Variants in EFCAB5 observed in about 807,000 individuals in gnomAD.
EFCAB5 encodes the protein EF-hand calcium binding domain 5, also known as EF-hand calcium-binding domain-containing protein 5.
In EFCAB5, 131 loss-of-function variants were observed where a neutral mutation model predicts 167.9. The ratio of observed to expected loss-of-function variants is 0.78; its 90% CI spans 0.68 to 0.90. The LOEUF (loss-of-function observed/expected upper bound fraction) is 0.90, where lower values mean the gene tolerates loss of function less well. Ranked by LOEUF, EFCAB5 falls within the 40% of genes least tolerant of loss-of-function variation. The pLI, the probability that EFCAB5 is intolerant of heterozygous loss-of-function variation, is 0.00. For missense variants in EFCAB5, 1,663 were observed against 1,745.2 expected (o/e 0.95, Z 0.84); for synonymous variants, 574 against 602.8 (o/e 0.95, Z 0.70).
chr17:29,985,713 G>A (rs936812273), intron 4 of EFCAB5, among the ~76,000 whole-genome samples: 3 of 152,298 alleles, frequency 2.0e-5, no homozygotes, highest in Admixed American at 1.3e-4. Flanking sequence ...GCTTAGGAAC[G>A]CCTTAGGTGG....
chr17:30,060,396 A>T (rs1371856571), intron 14 of EFCAB5, among the ~76,000 whole-genome samples: 1 of 151,980 alleles, frequency 6.6e-6, no homozygotes, highest in Non-Finnish European at 1.5e-5. Flanking sequence ...TTCTCTTATG[A>T]CCAGTATTTA....
At chr17:30,079,078 A>T (rs538247981) in intron 15 of EFCAB5, among the ~76,000 whole-genome samples, 9 of 152,346 alleles carry the variant, frequency 5.9e-5, no homozygotes, top group African/African-American at 1.9e-4. Flanking sequence ...TCACAGGCAG[A>T]AACAGCACAG....
intron 1 of EFCAB5, among the ~76,000 whole-genome samples, chr17:29,933,612 C>T (rs1048281351): frequency 5.9e-5 from 9 of 152,194 alleles, no homozygotes; most frequent in African/African-American, 1.9e-4. Flanking sequence ...TTCCCACCTG[C>T]GATGCTGGAG....
intron 7 of EFCAB5, among the ~76,000 whole-genome samples, chr17:30,020,782 C>T (rs1466545102): frequency 6.6e-6 from 1 of 152,152 alleles, no homozygotes; most frequent in Non-Finnish European, 1.5e-5. Context: ...GACTCTCATC[C>T]TCCACAGCAG....
intron 22 of EFCAB5, among the ~76,000 whole-genome samples, chr17:30,096,744 A>G (rs888339514): frequency 1.5e-5 from 2 of 135,374 alleles, no homozygotes; most frequent in African/African-American, 5.7e-5. Context: ...CAGTGGCCCA[A>G]TCTCAGCTCA....
chr17:30,069,739 T>C lies in EFCAB5; in HGVS notation c.2738-8476T>C, dbSNP rs2070681612. 4 of 801,602 alleles carry C rather than the reference T, an allele frequency of 5.0e-6. No individual in the cohort carries two copies. In the East Asian group the frequency reaches 1.1e-4, roughly 21 times the overall value. The allele number at this position is 801,602 out of a possible 1,614,324, so 49.7% of individuals were successfully genotyped here. ...ATGTACCCCCGGTGCTGGAGCATGG[T>C]ATGACCACATTTTATCACAGAGCCA... On this transcript the variant is annotated intron_variant, in intron 14 of 22. Transcript: ENST00000394835.
chr17:30,051,143 C>T lies in EFCAB5; in HGVS notation c.1226C>T (p.Thr409Ile). The change falls in exon 9 of 23, where the codon ACA becomes ATA. Residue 409 changes from threonine to isoleucine, a missense_variant. Coordinates refer to ENST00000394835, the MANE Select transcript of EFCAB5 (RefSeq NM_198529.4). The stretch of plus-strand genomic sequence containing the variant: ...GTAGGGTTTTTGGATCGGCAGAGGA[C>T]ATTGGCCCTGCTGGAATTGTTCTAT... ...GKVGFLDRQR[T>I]LALLELFYDH... 1 of 1,613,946 alleles carries T rather than the reference C, an allele frequency of 6.2e-7. No homozygotes were observed. The highest frequency in any genetic ancestry group is 1.3e-5 in the African/African-American group (1 of 75,044).
At chr17:30,083,168 C>T in intron 18 of EFCAB5, 125 bp downstream of exon 18, 1 of 1,292,134 alleles carries the variant, frequency 7.7e-7, no homozygotes, top group Non-Finnish European at 1.0e-6. Flanking sequence ...TTTCCCAATA[C>T]AAGACCCTTG....
At chr17:29,960,709 G>A (rs1338443716) in intron 3 of EFCAB5, among the ~76,000 whole-genome samples, 1 of 152,020 alleles carries the variant, frequency 6.6e-6, no homozygotes, top group Non-Finnish European at 1.5e-5. Context: ...CACTTTTACT[G>A]ATTATGTATA....
At chr17:30,041,023 A>G (rs1159174008) in intron 8 of EFCAB5, among the ~76,000 whole-genome samples, 1 of 152,210 alleles carries the variant, frequency 6.6e-6, no homozygotes, top group Non-Finnish European at 1.5e-5. Context: ...GTCCAGCTCC[A>G]GCCAATGGAT....
intron 22 of EFCAB5, among the ~76,000 whole-genome samples, chr17:30,099,395 C>T (rs1357259671): frequency 6.6e-6 from 1 of 151,568 alleles, no homozygotes; most frequent in Non-Finnish European, 1.5e-5. Flanking sequence ...CCACTGCACT[C>T]CAGCCTGGGC....
At chr17:30,070,990 A>G (rs1040315324) in intron 14 of EFCAB5, among the ~76,000 whole-genome samples, 2 of 149,638 alleles carry the variant, frequency 1.3e-5, no homozygotes, top group Non-Finnish European at 3.0e-5. Flanking sequence ...TCAATTTAAA[A>G]TGGATCAAAG....
intron 5 of EFCAB5, among the ~76,000 whole-genome samples, chr17:29,994,170 ATATATATG>A (rs1322632101): frequency 1.6e-5 from 2 of 127,854 alleles, no homozygotes; most frequent in African/African-American, 6.0e-5. Context: ...ATATATATAT[ATATATATG>A]TGATATATAT....
chr17:30,029,629 AAC>A (rs772808019), intron 7 of EFCAB5, among the ~76,000 whole-genome samples: 42 of 152,004 alleles, frequency 2.8e-4, no homozygotes, highest in Non-Finnish European at 4.6e-4. Context: ...AGGCTATAGG[AAC>A]ACACCATTTC....
chr17:29,998,977 G>T (rs1030572518), intron 6 of EFCAB5, among the ~76,000 whole-genome samples: 1 of 151,942 alleles, frequency 6.6e-6, no homozygotes, highest in African/African-American at 2.4e-5. Flanking sequence ...TTTTTTCTTG[G>T]TTTTTGTGAT....
chr17:30,048,607 A>C (rs1391332349), intron 8 of EFCAB5, among the ~76,000 whole-genome samples: 1 of 150,854 alleles, frequency 6.6e-6, no homozygotes, highest in Non-Finnish European at 1.5e-5. Context: ...CGATTCTCCT[A>C]CCTCAGCCTC....
rs145366417 is a variant in EFCAB5 at position 30,051,119 on chromosome 17, T to C, written c.1202T>C (p.Val401Ala). The change falls in exon 9 of 23, where the codon GTA becomes GCA. Residue 401 changes from valine (V) to alanine (A), a missense_variant and splice_region_variant. Val to Ala is a moderately conservative substitution (Grantham distance 64, BLOSUM62 0). Coordinates refer to ENST00000394835, the MANE Select transcript of EFCAB5 (RefSeq NM_198529.4). ...ELFLHCDHGK[V>A]GFLDRQRTLA... ...TCACAAACTTTCTTCTTTGCTTAGGTAGGGTTTTTGGATCGGCAGAGGACA... is the reference window on the plus strand; with the variant it reads ...TCACAAACTTTCTTCTTTGCTTAGGCAGGGTTTTTGGATCGGCAGAGGACA... The C allele has an allele frequency of 2.1e-5, 34 of 1,613,588 alleles. No individual in the cohort carries two copies. In the African/African-American group the frequency reaches 4.1e-4, roughly 20 times the overall value.
rs1244551267 is a variant in EFCAB5, at chr17:30,051,139, A to T, written c.1222A>T (p.Arg408Trp). 18 of 1,613,868 alleles carry T rather than the reference A, an allele frequency of 1.1e-5. No homozygotes were observed. Among genetic ancestry groups the T allele is most frequent in the Non-Finnish European group, 1.5e-5 (18 of 1,179,882 alleles). The part of the protein sequence containing the change: ...HGKVGFLDRQ[R>W]TLALLELFYD... Reference sequence around the variant, plus strand: ...TTAGGTAGGGTTTTTGGATCGGCAGAGGACATTGGCCCTGCTGGAATTGTT... The same window carrying T: ...TTAGGTAGGGTTTTTGGATCGGCAGTGGACATTGGCCCTGCTGGAATTGTT... The change falls in exon 9 of 23, where the codon AGG (arginine) becomes TGG (tryptophan). Residue 408 changes from arginine (R) to tryptophan (W), a missense_variant. Physicochemically the swap from Arg to Trp is moderately radical, Grantham distance 101. Coordinates refer to ENST00000394835, the MANE Select transcript of EFCAB5 (RefSeq NM_198529.4).
At chr17:30,092,267 A>G (rs2071214702) in intron 21 of EFCAB5, 110 bp downstream of exon 21, 18 of 1,123,612 alleles carry the variant, frequency 1.6e-5, no homozygotes, top group Non-Finnish European at 2.2e-5. Flanking sequence ...AAGAATTTTT[A>G]CTGAGTGGAA....
Sources: gnomAD v4.1 joint callset for allele counts (sites outside exome capture counted in the v4.1 genomes callset) on GRCh38, gnomAD v4.1.1 for gene constraint, MANE v1.5 for transcripts, NCBI Gene and HGNC (gene_info 2026-07-23, HGNC 2026-07-21) for gene names.